Variants in COQ4 observed in about 807,000 individuals in gnomAD.
The protein encoded by COQ4 is ubiquinone biosynthesis protein COQ4 homolog, mitochondrial.
Under a neutral mutation model 30.2 loss-of-function variants are expected in COQ4, and 36 were observed. The ratio of observed to expected loss-of-function variants is 1.19; its 90% CI spans 0.91 to 1.57. COQ4 has a LOEUF of 1.57. COQ4 is among the 40% of genes most tolerant of loss of function. The pLI, the probability that COQ4 is intolerant of heterozygous loss-of-function variation, is 0.00. For missense variants in COQ4, 369 were observed against 371.9 expected (o/e 0.99, Z 0.07); for synonymous variants, 197 against 161.0 (o/e 1.22, Z -1.69).
intron 4 of COQ4, among the ~76,000 whole-genome samples, chr9:128,326,609 A>G (rs1369158587): frequency 6.6e-6 from 1 of 151,820 alleles, no homozygotes; most frequent in Non-Finnish European, 1.5e-5. Flanking sequence ...CGCCCGGCTA[A>G]TTTTTTGTAT....
intron 4 of COQ4, among the ~76,000 whole-genome samples, chr9:128,329,640 G>A (rs113179844): frequency 0.012 from 1,790 of 152,338 alleles, 16 homozygotes; most frequent in Admixed American, 0.018. Flanking sequence ...AAAGTGTTGG[G>A]ATTACAGGCA....
chr9:128,324,469 A>G (rs1832283082), intron 2 of COQ4, among the ~76,000 whole-genome samples: 1 of 152,170 alleles, frequency 6.6e-6, no homozygotes, highest in African/African-American at 2.4e-5. Flanking sequence ...CACATTAACC[A>G]GCTAAGAAAG....
At position 128,325,824 on chromosome 9, in the gene COQ4, C is replaced by T. The variant is rs1832309545; in HGVS notation, c.345C>T (p.Leu115=). ...ISTSTLDLGK[L]QSLPEGSLGR... The stretch of plus-strand genomic sequence containing the variant: ...CATCCACCCTCGACCTGGGCAAGCT[C>T]CAGAGCCTGCCGGAAGGCTCCCTCG... Residue 115 remains leucine (L), a synonymous_variant, in exon 4 of 7, where the codon CTC becomes CTT. Coordinates refer to ENST00000300452, the MANE Select transcript of COQ4 (RefSeq NM_016035.5). The T allele has an allele frequency of 1.9e-6, 3 of 1,614,104 alleles. No individual in the cohort carries two copies. Among genetic ancestry groups the T allele is most frequent in the Non-Finnish European group, 2.5e-6 (3 of 1,180,056 alleles).
At chr9:128,330,206 TAAA>T (rs764453336) in intron 4 of COQ4, among the ~76,000 whole-genome samples, 1 of 126,862 alleles carries the variant, frequency 7.9e-6, no homozygotes, top group Non-Finnish European at 1.7e-5. Context: ...CTGTCTCTAC[TAAA>T]AAAAAAAAAA....
At chr9:128,332,455 C>T (rs1012597140) in intron 5 of COQ4, 173 bp downstream of exon 5, 2 of 700,258 alleles carry the variant, frequency 2.9e-6, no homozygotes, top group Non-Finnish European at 4.8e-6. Flanking sequence ...CTCCCACTGC[C>T]CCTCAGGGCT....
Position 128,333,541 on chromosome 9 carries a change from GTCC to G in COQ4, c.697_699del (p.Leu233del). On this transcript the variant is annotated inframe_deletion, in exon 7 of 7. Transcript: ENST00000300452. ...TCAGAACGGGCGCAGAGCCCCATGT[GTCC>G]TCAACCTGTACTATGAGCGGCGCTG... The G allele has an allele frequency of 6.2e-7, 1 of 1,609,840 alleles. No individual in the cohort carries two copies. The highest frequency in any genetic ancestry group is 8.5e-7 in the Non-Finnish European group (1 of 1,178,316).
chr9:128,333,011 G>A, intron 6 of COQ4, 68 bp downstream of exon 6: 1 of 1,198,360 alleles, frequency 8.3e-7, no homozygotes, highest in Non-Finnish European at 1.2e-6. Flanking sequence ...GAGGGACCAG[G>A]GCTCTTAGAA....
At position 128,323,043 on chromosome 9, in the gene COQ4, G is replaced by T. The variant is rs1447172587; in HGVS notation, c.98G>T (p.Gly33Val). 2 of 1,612,122 alleles carry T rather than the reference G, an allele frequency of 1.2e-6. No homozygotes were observed. Among genetic ancestry groups the T allele is most frequent in the Non-Finnish European group, 1.7e-6 (2 of 1,179,818 alleles). Residue 33 changes from glycine to valine, a missense_variant, in exon 2 of 7, where the codon GGC becomes GTC. Transcript: ENST00000300452. Reference protein sequence around the residue: ...AEMPLRARSDGAGPLYSHHLP... With the variant: ...AEMPLRARSDVAGPLYSHHLP... ...ATGCCCCTCCGGGCTAGGAGCGACGGCGCCGGCCCGCTATACTCGCACCAC... is the reference window on the plus strand; with the variant it reads ...ATGCCCCTCCGGGCTAGGAGCGACGTCGCCGGCCCGCTATACTCGCACCAC...
At chr9:128,324,792 GT>G (rs10717975) in intron 2 of COQ4, among the ~76,000 whole-genome samples, 25,147 of 152,068 alleles carry the variant, frequency 0.17, 4,327 homozygotes, top group African/African-American at 0.44. Context: ...TTTGTACTAG[GT>G]CACCTAGATA....
intron 2 of COQ4, among the ~76,000 whole-genome samples, chr9:128,324,382 C>T (rs1460028044): frequency 1.3e-5 from 2 of 152,152 alleles, no homozygotes; most frequent in Non-Finnish European, 2.9e-5. Context: ...GCCTCAGCCC[C>T]CCAGTGTTGA....
intron 2 of COQ4, among the ~76,000 whole-genome samples, chr9:128,323,823 G>A (rs1832263732): frequency 1.3e-5 from 2 of 152,238 alleles, no homozygotes; most frequent in South Asian, 4.1e-4. Context: ...GGGGCTGGTT[G>A]CATGCGGCTG....
chr9:128,324,974 T>C (rs1306590658), intron 2 of COQ4, among the ~76,000 whole-genome samples, 169 bp from the exon 3 acceptor site: 6 of 152,264 alleles, frequency 3.9e-5, no homozygotes, highest in African/African-American at 1.4e-4. Context: ...ATATGTATAC[T>C]GATCCCTTGT....
At position 128,323,156 on chromosome 9, in the gene COQ4, G is replaced by A. The variant is rs776783243; in HGVS notation, c.202+9G>A. On this transcript the variant is annotated intron_variant, in intron 2 of 6. Transcript: ENST00000300452. ...TAACCCCTACCGCCACGGTAAGGCC[G>A]CCCGCGCCTCGCCCCCGTGGGGGCG... The A allele has an allele frequency of 6.3e-7, 1 of 1,578,636 alleles. No homozygotes were observed. Among genetic ancestry groups the A allele is most frequent in the Non-Finnish European group, 8.6e-7 (1 of 1,167,258 alleles).
chr9:128,326,447 T>C (rs546471504), intron 4 of COQ4: 1 of 144,970 alleles, frequency 6.9e-6, no homozygotes, highest in African/African-American at 3.0e-5. Flanking sequence ...GGCTCTGCTA[T>C]GTGCCATCCC....
At chr9:128,323,307 C>T (rs1025418965) in intron 2 of COQ4, 160 bp downstream of exon 2, 2 of 663,894 alleles carry the variant, frequency 3.0e-6, no homozygotes, top group African/African-American at 1.9e-5. Context: ...CCTAAACGCA[C>T]TGAATCTGAA....
chr9:128,327,092 G>C (rs968723423), intron 4 of COQ4, among the ~76,000 whole-genome samples: 9 of 152,126 alleles, frequency 5.9e-5, no homozygotes, highest in African/African-American at 2.2e-4. Context: ...GAACTAGACA[G>C]CCAAGTTCCC....
In COQ4 at chr9:128,332,306, C is replaced by T. The variant is rs186410280; in HGVS notation, c.532+24C>T. 7.0e-5 allele frequency: 112 copies of T among 1,609,910 alleles called. No homozygotes were observed. The African/African-American group carries it at 1.4e-3, about 21-fold the overall frequency. On this transcript the variant is annotated intron_variant, in intron 5 of 6. Coordinates refer to ENST00000300452, the MANE Select transcript of COQ4 (RefSeq NM_016035.5). ...GGGTGAGTGCCCCCAACCCTGATGGCCTGTCTCCCTGGGGTGGCTTCAGGG... is the reference window on the plus strand; with the variant it reads ...GGGTGAGTGCCCCCAACCCTGATGGTCTGTCTCCCTGGGGTGGCTTCAGGG...
intron 4 of COQ4, chr9:128,331,914 A>C: frequency 2.6e-6 from 1 of 378,696 alleles, no homozygotes; most frequent in Non-Finnish European, 4.9e-6. Flanking sequence ...TTTTTAGTAG[A>C]GACAGGGTTT....
intron 4 of COQ4, among the ~76,000 whole-genome samples, chr9:128,327,559 G>T (rs900205687): frequency 2.0e-5 from 3 of 152,138 alleles, no homozygotes; most frequent in Non-Finnish European, 2.9e-5. Flanking sequence ...TAATACTTTG[G>T]GGGGCTGAAG....
Sources: allele counts gnomAD v4.1 joint callset (sites outside exome capture counted in the v4.1 genomes callset), GRCh38; gene constraint gnomAD v4.1.1; transcripts MANE v1.5; gene names NCBI Gene and HGNC (gene_info 2026-07-23, HGNC 2026-07-21).